NELFB: variants seen among roughly 807,000 people sequenced by gnomAD.
NELFB encodes the protein negative elongation factor complex member B.
A neutral mutation model predicts 60.2 loss-of-function variants in NELFB; 34 were observed. The ratio of observed to expected loss-of-function variants is 0.56; its 90% CI spans 0.43 to 0.75. NELFB has a LOEUF of 0.75. NELFB is among the 30% of genes least tolerant of loss of function. The probability of loss-of-function intolerance (pLI) is 0.00; values close to 1 mark genes in which losing one functional copy is unlikely to be tolerated. For synonymous variants in NELFB, 459 were observed against 382.1 expected (o/e 1.20, Z -2.35); for missense variants, 770 against 831.6 (o/e 0.93, Z 0.91).
chr9:137,272,139 C>G lies in NELFB; in HGVS notation c.1548C>G (p.Asn516Lys). 6.2e-7 allele frequency: 1 copy of G among 1,614,220 alleles called. No individual in the cohort carries two copies. The highest frequency in any genetic ancestry group is 8.5e-7 in the Non-Finnish European group (1 of 1,180,038). Residue 516 changes from asparagine to lysine, a missense_variant, in exon 11 of 13, where the codon AAC becomes AAG. Coordinates refer to ENST00000343053, the MANE Select transcript of NELFB (RefSeq NM_015456.5). ...TCTTCCTCCACCTGCTCACGGGCAACCTTGCGCTGCTGGCCGACGAATTTG... is the reference window on the plus strand; with the variant it reads ...TCTTCCTCCACCTGCTCACGGGCAAGCTTGCGCTGCTGGCCGACGAATTTG...
At chr9:137,258,832 A>G (rs1195502106) in intron 4 of NELFB, among the ~76,000 whole-genome samples, 9 of 152,240 alleles carry the variant, frequency 5.9e-5, no homozygotes, top group Admixed American at 3.9e-4. Flanking sequence ...CACATTAAGA[A>G]AAAAAAATGA....
chr9:137,266,831 G>T, intron 8 of NELFB, 113 bp from the exon 9 acceptor site: 2 of 1,287,152 alleles, frequency 1.6e-6, no homozygotes, highest in Non-Finnish European at 2.1e-6. Context: ...AGGAGGGAGG[G>T]TCGGTGAGGT....
chr9:137,258,175 G>T (rs1352023400), intron 4 of NELFB, among the ~76,000 whole-genome samples: 1 of 139,446 alleles, frequency 7.2e-6, no homozygotes, highest in Non-Finnish European at 1.5e-5. Flanking sequence ...CCAGGTTGGA[G>T]TACAGTGGTG....
intron 3 of NELFB, 71 bp from the exon 4 acceptor site, chr9:137,256,753 C>T: frequency 6.9e-7 from 1 of 1,449,894 alleles, no homozygotes; most frequent in Non-Finnish European, 9.6e-7. Flanking sequence ...GGGGCTGAGG[C>T]CTCTTGGCTT....
chr9:137,257,186 G>C, intron 4 of NELFB, 132 bp downstream of exon 4: 1 of 752,132 alleles, frequency 1.3e-6, no homozygotes, highest in Middle Eastern at 3.5e-4. Context: ...GCTGGGTGGT[G>C]GGGGAGGGCT....
At chr9:137,264,115 G>C (rs1830489917) in intron 5 of NELFB, 130 bp from the exon 6 acceptor site, 1 of 662,012 alleles carries the variant, frequency 1.5e-6, no homozygotes, top group African/African-American at 1.8e-5. Flanking sequence ...AGGATGACTG[G>C]TGCCTGCTGC....
rs766870901 is a variant in NELFB at position 137,267,095 on chromosome 9, T to G, written c.1382+9T>G. 2 of 1,613,740 alleles carry G rather than the reference T, an allele frequency of 1.2e-6. No individual in the cohort carries two copies. Among genetic ancestry groups the G allele is most frequent in the Non-Finnish European group, 1.7e-6 (2 of 1,179,974 alleles). On this transcript the variant is annotated intron_variant, in intron 9 of 12. Coordinates refer to ENST00000343053, the MANE Select transcript of NELFB (RefSeq NM_015456.5). Reference sequence around the variant, plus strand: ...CCCGAAAGCTTCACTAAGTACGGGCTGTAGGGCCATGGTGCAGGGGTGGCC... The same window carrying G: ...CCCGAAAGCTTCACTAAGTACGGGCGGTAGGGCCATGGTGCAGGGGTGGCC...
At chr9:137,264,473 T>C (rs925649905) in intron 6 of NELFB, 116 bp downstream of exon 6, 3 of 777,370 alleles carry the variant, frequency 3.9e-6, no homozygotes, top group African/African-American at 3.5e-5. Context: ...GCTTTTTCTT[T>C]TGTTTTTTTC....
At position 137,264,260 on chromosome 9, in the gene NELFB, G is replaced by A; in HGVS notation, c.943G>A (p.Asp315Asn). ...CTCCTTGCAGTTCACCTGGTGCCTG[G>A]ACGCCTGCATCCGAGAGCGGTTCGT... is the stretch of plus-strand genomic sequence containing the variant. The change falls in exon 6 of 13, where the codon GAC becomes AAC. Residue 315 changes from aspartate to asparagine, a missense_variant. By Grantham distance (23) the Asp-to-Asn change is conservative. Coordinates refer to ENST00000343053, the MANE Select transcript of NELFB (RefSeq NM_015456.5). 2.5e-6 allele frequency: 4 copies of A among 1,594,840 alleles called. No individual in the cohort carries two copies. The highest frequency in any genetic ancestry group is 3.4e-6 in the Non-Finnish European group (4 of 1,171,906).
intron 5 of NELFB, among the ~76,000 whole-genome samples, chr9:137,263,704 C>T (rs1310990183): frequency 1.3e-5 from 2 of 151,960 alleles, no homozygotes; most frequent in African/African-American, 4.8e-5. Context: ...GAGACCTGGC[C>T]GTTCCCGGGG....
chr9:137,272,651 G>A, intron 12 of NELFB, 36 bp downstream of exon 12: 4 of 1,553,824 alleles, frequency 2.6e-6, no homozygotes, highest in Non-Finnish European at 3.5e-6. Context: ...GAAGGCACCT[G>A]GTCCCTACCA....
Position 137,269,595 on chromosome 9 carries a change from C to T in NELFB, c.1489+2249C>T, listed in dbSNP as rs377146149. Among the ~76,000 whole-genome samples, 1 of 152,226 alleles carries T rather than the reference C, an allele frequency of 6.6e-6. No individual in the cohort carries two copies. Among genetic ancestry groups the T allele is most frequent in the East Asian group, 1.9e-4 (1 of 5,206 alleles). ...ACTCCACTTTCTCTATTTAGATACA[C>T]AGTTGCCATTGTGTCCCAGCAGCCT... On this transcript the variant is annotated intron_variant, in intron 10 of 12. Transcript: ENST00000343053. This position sits in a 1 kb window ranked among gnomAD's most constrained non-coding sequence, Gnocchi z 5.3.
At chr9:137,270,282 A>G (rs1204241553) in intron 10 of NELFB, among the ~76,000 whole-genome samples, 2 of 144,100 alleles carry the variant, frequency 1.4e-5, no homozygotes, top group Non-Finnish European at 3.0e-5. Context: ...CTCCGTCTCA[A>G]AAAAAAAAAA....
At chr9:137,268,812 G>T (rs142742986) in intron 10 of NELFB, among the ~76,000 whole-genome samples, 1 of 152,184 alleles carries the variant, frequency 6.6e-6, no homozygotes, top group African/African-American at 2.4e-5. Context: ...AGACAGAGAT[G>T]AGACACAGAG....
intron 5 of NELFB, among the ~76,000 whole-genome samples, chr9:137,263,624 G>A (rs1419897885): frequency 1.3e-5 from 2 of 151,454 alleles, no homozygotes; most frequent in East Asian, 3.9e-4. Context: ...TTTCTGTCCT[G>A]TGTGCTGGCC....
At chr9:137,264,764 GCCT>G (rs1349754811) in intron 6 of NELFB, among the ~76,000 whole-genome samples, 2 of 152,200 alleles carry the variant, frequency 1.3e-5, no homozygotes, top group African/African-American at 4.8e-5. Flanking sequence ...ACCGTGCCTG[GCCT>G]CCTGGATGTT....
intron 5 of NELFB, among the ~76,000 whole-genome samples, chr9:137,263,725 C>G (rs570324182): frequency 1.3e-5 from 2 of 152,020 alleles, no homozygotes; most frequent in Non-Finnish European, 2.9e-5. Context: ...ACTCCCTTGC[C>G]CCGTCCAGCC....
At chr9:137,266,463 G>A (rs1310756926) in intron 8 of NELFB, 37 bp downstream of exon 8, 4 of 1,578,926 alleles carry the variant, frequency 2.5e-6, no homozygotes, top group East Asian at 2.2e-5. Flanking sequence ...AGTTTCCTAC[G>A]AGGGGTTGTG....
In NELFB at chr9:137,263,843, C is replaced by T. The variant is rs150775296; in HGVS notation, c.928-402C>T. Among the ~76,000 whole-genome samples the T allele has an allele frequency of 3.9e-5, 6 of 152,286 alleles. No individual in the cohort carries two copies. In the East Asian group the frequency reaches 1.2e-3, roughly 30 times the overall value. On this transcript the variant is annotated intron_variant, in intron 5 of 12. Coordinates refer to ENST00000343053, the MANE Select transcript of NELFB (RefSeq NM_015456.5). ...CTGTGGCCCTCCCCTTCCCCAGAACCCTGGGTGCTGCTTGTTGGCCAGGTA... is the reference window on the plus strand; with the variant it reads ...CTGTGGCCCTCCCCTTCCCCAGAACTCTGGGTGCTGCTTGTTGGCCAGGTA...
Sources: allele counts gnomAD v4.1 joint callset (sites outside exome capture counted in the v4.1 genomes callset), GRCh38; gene constraint gnomAD v4.1.1; non-coding constraint Gnocchi (gnomAD v3.1); transcripts MANE v1.5; gene names NCBI Gene and HGNC (gene_info 2026-07-23, HGNC 2026-07-21).